The following CAPN3 variants were observed in gnomAD, a reference collection of about 807,000 sequenced individuals.
CAPN3 encodes calpain 3, also known as calpain-3.
CAPN3 carries 88 observed loss-of-function variants against 114.0 expected under a neutral mutation model. The observed-to-expected ratio is 0.77, with a 90% CI of 0.65 to 0.92. The LOEUF is 0.92. CAPN3 is among the 40% of genes least tolerant of loss of function. The probability of loss-of-function intolerance (pLI) is 0.00; values close to 1 mark genes in which losing one functional copy is unlikely to be tolerated. For missense variants in CAPN3, 1,028 were observed against 1,069.0 expected, an observed-to-expected ratio of 0.96 and a Z score of 0.53; for synonymous variants, 386 against 382.9, an observed-to-expected ratio of 1.01 and a Z score of -0.09.
intron 11 of CAPN3, 138 bp from the exon 12 acceptor site, chr15:42,401,986 G>C: frequency 7.5e-7 from 1 of 1,328,034 alleles, no homozygotes; most frequent in Non-Finnish European, 1.1e-6. Flanking sequence ...GCATTAGAGA[G>C]GCAGTGGAGC....
In CAPN3 at chr15:42,392,920, C is replaced by T. The variant is rs28364443; in HGVS notation, c.1029+198C>T. Among the ~76,000 whole-genome samples, 2,260 of 152,296 alleles carry T rather than the reference C, an allele frequency of 0.015. 56 individuals carry two copies. Among genetic ancestry groups the T allele is most frequent in the African/African-American group, 0.052 (2,158 of 41,550 alleles). On this transcript the variant is annotated intron_variant, in intron 7 of 23. Coordinates refer to ENST00000397163, the MANE Select transcript of CAPN3 (RefSeq NM_000070.3). ...GGTGGATCCTGCCACAGTTGGTGCA[C>T]AGTTTATCTTTGCTTTTCGTGCTAA...
At chr15:42,392,977 CA>C (rs2053601049) in intron 7 of CAPN3, among the ~76,000 whole-genome samples, 1 of 152,182 alleles carries the variant, frequency 6.6e-6, no homozygotes, top group African/African-American at 2.4e-5. Context: ...TTCCAATGAA[CA>C]AATTGAAATA....
intron 16 of CAPN3, chr15:42,408,700 G>A (rs1031577382): frequency 5.6e-6 from 2 of 358,702 alleles, no homozygotes; most frequent in South Asian, 4.3e-5. Context: ...GAGCAGAAAA[G>A]TGGGGCTGAC....
chr15:42,386,171 C>T lies in CAPN3; in HGVS notation c.384C>T (p.Asp128=). 1 of 1,610,406 alleles carries T rather than the reference C, an allele frequency of 6.2e-7. No homozygotes were observed. ...RTDICQGELG[D]CWFLAAIACL... ...GTGCCCTGTGTCTGCCTGCAGGGGA[C>T]TGCTGGTTTCTCGCAGCCATTGCCT... Residue 128 remains aspartate (D), a synonymous_variant, in exon 3 of 24, where the codon GAC becomes GAT. Coordinates refer to ENST00000397163, the MANE Select transcript of CAPN3 (RefSeq NM_000070.3).
intron 1 of CAPN3, among the ~76,000 whole-genome samples, chr15:42,368,447 TAGTC>T (rs2052845379): frequency 1.3e-5 from 2 of 152,232 alleles, no homozygotes; most frequent in Admixed American, 1.3e-4. Flanking sequence ...ACACAAGTTA[TAGTC>T]AGTTGGCTGT....
At chr15:42,411,663 C>T (rs1566986587) in intron 23 of CAPN3, 84 bp from the exon 24 acceptor site, 6 of 850,700 alleles carry the variant, frequency 7.1e-6, no homozygotes, top group Non-Finnish European at 1.2e-5. Context: ...GTTCCCTTTC[C>T]TCTTGCCCCG....
At chr15:42,381,320 A>G (rs1301448385) in intron 1 of CAPN3, among the ~76,000 whole-genome samples, 1 of 152,140 alleles carries the variant, frequency 6.6e-6, no homozygotes, top group Admixed American at 6.6e-5. Context: ...GTCTGCTGGC[A>G]ATGAATTTCC....
chr15:42,380,852 A>C (rs2141146873), intron 1 of CAPN3, among the ~76,000 whole-genome samples: 1 of 148,560 alleles, frequency 6.7e-6, no homozygotes, highest in Middle Eastern at 3.5e-3. Flanking sequence ...TGGCCTCCCA[A>C]AGTGCTGGGA....
rs775849138 is a variant in CAPN3 at position 42,411,734 on chromosome 15, G to C, written c.2440-13G>C. ...TTTTCTGATCTACATTCTGATCTTG[G>C]GACTTCTTTCAGTGGCTGCAGCTCA... is the stretch of plus-strand genomic sequence containing the variant. On this transcript the variant is annotated splice_polypyrimidine_tract_variant and intron_variant, in intron 23 of 23. Coordinates refer to ENST00000397163, the MANE Select transcript of CAPN3 (RefSeq NM_000070.3). 43 of 1,420,960 alleles carry C rather than the reference G, an allele frequency of 3.0e-5. No homozygotes were observed. Among genetic ancestry groups the C allele is most frequent in the African/African-American group, 5.6e-5 (4 of 70,938 alleles). 88.0% of individuals were successfully genotyped at this position (1,420,960 alleles called of 1,614,324 possible). A position where few individuals can be genotyped will look rare whatever the true frequency, so the allele number is the denominator to read the frequency against.
chr15:42,380,753 T>A (rs13380316), intron 1 of CAPN3, among the ~76,000 whole-genome samples: 8,200 of 41,722 alleles, frequency 0.2, 148 homozygotes, highest in Non-Finnish European at 0.23. Context: ...ATATATATAT[T>A]TTTTTTTTTT....
At chr15:42,385,450 T>G (rs1180121336) in intron 2 of CAPN3, among the ~76,000 whole-genome samples, 1 of 151,764 alleles carries the variant, frequency 6.6e-6, no homozygotes, top group Non-Finnish European at 1.5e-5. Context: ...ACACTCTCAG[T>G]TGCATTTCAC....
intron 6 of CAPN3, among the ~76,000 whole-genome samples, chr15:42,391,979 C>T (rs1301939203): frequency 6.6e-6 from 1 of 151,944 alleles, no homozygotes; most frequent in Non-Finnish European, 1.5e-5. Context: ...GCCTGGCTAA[C>T]ATGGTGAAAC....
chr15:42,401,440 C>A (rs1235464975), intron 10 of CAPN3, among the ~76,000 whole-genome samples: 5 of 140,498 alleles, frequency 3.6e-5, no homozygotes, highest in East Asian at 4.5e-4. Flanking sequence ...GCCACACATA[C>A]AATCAGTACA....
rs921403387 is a variant in CAPN3 at position 42,370,044 on chromosome 15, T to C, written c.309+9930T>C. 3.9e-5 allele frequency among the ~76,000 whole-genome samples: 6 copies of C among 152,074 alleles called. No homozygotes were observed. The East Asian group carries it at 1.2e-3, about 29-fold the overall frequency. On this transcript the variant is annotated intron_variant, in intron 1 of 23. Transcript: ENST00000397163. ...CCCGGCACCACGCTTGGCTAATTTTTGTATTTTTAGTAGAGATGGGGTTTC... is the reference window on the plus strand; with the variant it reads ...CCCGGCACCACGCTTGGCTAATTTTCGTATTTTTAGTAGAGATGGGGTTTC...
chr15:42,399,104 T>C (rs1004805332), intron 9 of CAPN3, among the ~76,000 whole-genome samples: 8 of 151,782 alleles, frequency 5.3e-5, no homozygotes, highest in African/African-American at 1.9e-4. Flanking sequence ...AGCTTATTTC[T>C]TCTATCTAAC....
intron 1 of CAPN3, among the ~76,000 whole-genome samples, chr15:42,364,495 A>T (rs78996331): frequency 6.6e-6 from 1 of 152,236 alleles, no homozygotes; most frequent in Non-Finnish European, 1.5e-5. Context: ...CAGTCAAGAT[A>T]TTAGCTACAG....
At chr15:42,389,860 C>T (rs2053507181) in intron 5 of CAPN3, 93 bp from the exon 6 acceptor site, 2 of 1,308,002 alleles carry the variant, frequency 1.5e-6, no homozygotes, top group Admixed American at 1.8e-5. Context: ...TTGTCTGTCC[C>T]ATCTCTTTCT....
At chr15:42,400,161 T>C (rs539558216) in intron 10 of CAPN3, among the ~76,000 whole-genome samples, 13 of 152,298 alleles carry the variant, frequency 8.5e-5, no homozygotes, top group African/African-American at 3.1e-4. Flanking sequence ...TGAATGTGCA[T>C]CTCTTTCACA....
intron 9 of CAPN3, among the ~76,000 whole-genome samples, chr15:42,397,405 G>A (rs1168981402): frequency 6.6e-6 from 1 of 152,210 alleles, no homozygotes; most frequent in African/African-American, 2.4e-5. Flanking sequence ...ACTTTGGGAG[G>A]CCGAGGTGAA....
Sources: gnomAD v4.1 joint callset for allele counts (sites outside exome capture counted in the v4.1 genomes callset) on GRCh38, gnomAD v4.1.1 for gene constraint, MANE v1.5 for transcripts, NCBI Gene and HGNC (gene_info 2026-07-23, HGNC 2026-07-21) for gene names.